Variants in IFT43 observed in about 807,000 individuals in gnomAD.
IFT43 encodes the protein intraflagellar transport 43.
A neutral mutation model predicts 32.3 loss-of-function variants in IFT43; 33 were observed. The observed-to-expected ratio is 1.02, with a 90% CI of 0.77 to 1.37. The LOEUF (loss-of-function observed/expected upper bound fraction) is 1.37, where lower values mean the gene tolerates loss of function less well. Among genes scored for constraint, IFT43 ranks in the 40% most tolerant of loss-of-function variants. IFT43 has a pLI of 0.00. For missense variants in IFT43, 274 were observed against 265.9 expected, an observed-to-expected ratio of 1.03 and a Z score of -0.21; for synonymous variants, 93 against 98.2, an observed-to-expected ratio of 0.95 and a Z score of 0.31.
intron 3 of IFT43, among the ~76,000 whole-genome samples, chr14:76,048,066 C>G (rs2036843484): frequency 6.6e-6 from 1 of 152,156 alleles, no homozygotes; most frequent in Admixed American, 6.5e-5. Flanking sequence ...CACCTTGCCC[C>G]ACTGCCCAAG....
Position 76,082,756 on chromosome 14 carries a change from T to C in IFT43, c.444+64T>C, listed in dbSNP as rs1204628714. 4.9e-6 allele frequency: 6 copies of C among 1,224,804 alleles called. No individual in the cohort carries two copies. In the Admixed American group the frequency reaches 5.0e-5, roughly 10 times the overall value. 75.9% of individuals were successfully genotyped at this position (1,224,804 alleles called of 1,614,324 possible). A position where few individuals can be genotyped will look rare whatever the true frequency, so the allele number is the denominator to read the frequency against. ...AGCAATGGGCTTCAATCCGTAGAGA[T>C]TTCTCAGTTCCTCCCAAGCTATACA... On this transcript the variant is annotated intron_variant, in intron 7 of 8. Transcript: ENST00000314067.
chr14:76,071,813 T>TCTGCCAAACCCAGAACACAGCAGG (rs2037325782), intron 5 of IFT43, among the ~76,000 whole-genome samples: 1 of 152,190 alleles, frequency 6.6e-6, no homozygotes. Flanking sequence ...TCCTAAGAAT[T>TCTGCCAAACCCAGAACACAGCAGG]TAGCGAGTGG....
chr14:76,020,184 A>G (rs553571041), intron 2 of IFT43, among the ~76,000 whole-genome samples: 1 of 152,302 alleles, frequency 6.6e-6, no homozygotes, highest in South Asian at 2.1e-4. Context: ...CATGTTGGCC[A>G]GGATGGTCTC....
chr14:76,021,944 AT>A (rs1413530587), intron 2 of IFT43, among the ~76,000 whole-genome samples: 1 of 152,212 alleles, frequency 6.6e-6, no homozygotes, highest in Non-Finnish European at 1.5e-5. Flanking sequence ...ACCCTCAGCC[AT>A]TGTGGTGTTT....
At chr14:76,027,794 TTAA>T (rs1355323239) in intron 3 of IFT43, among the ~76,000 whole-genome samples, 3 of 152,152 alleles carry the variant, frequency 2.0e-5, no homozygotes, top group Non-Finnish European at 4.4e-5. Flanking sequence ...TCATAGTGGT[TTAA>T]TAATATTTAA....
chr14:76,082,497 T>G, intron 6 of IFT43, 120 bp from the exon 7 acceptor site: 1 of 1,324,420 alleles, frequency 7.6e-7, no homozygotes, highest in Middle Eastern at 1.8e-4. Flanking sequence ...GGTTCCCATT[T>G]TGTTATTCCC....
chr14:76,064,954 G>A (rs1038451758), intron 5 of IFT43, among the ~76,000 whole-genome samples: 5 of 152,042 alleles, frequency 3.3e-5, no homozygotes, highest in African/African-American at 9.7e-5. Flanking sequence ...AAATTTCAAG[G>A]AGTAACTGCT....
At chr14:75,988,344 AGAGT>A (rs2035569966) in intron 1 of IFT43, among the ~76,000 whole-genome samples, 1 of 152,176 alleles carries the variant, frequency 6.6e-6, no homozygotes, top group South Asian at 2.1e-4. Context: ...CCTGGGCAAC[AGAGT>A]GAGAACCTGT....
rs1594871803 is a variant in IFT43, at chr14:76,083,150, AT to A, written c.445-76del. On this transcript the variant is annotated intron_variant, in intron 7 of 8. Transcript: ENST00000314067. ...GGGAAGTTCTGACACACAAAAACTGATCCCGGTTTTGTGAGAAAGAGTTGCC... is the reference window on the plus strand; with the variant it reads ...GGGAAGTTCTGACACACAAAAACTGACCCGGTTTTGTGAGAAAGAGTTGCC... The A allele has an allele frequency of 3.9e-6, 6 of 1,525,092 alleles. No individual in the cohort carries two copies. The East Asian group carries it at 1.4e-4, about 34-fold the overall frequency. 94.5% of individuals were successfully genotyped at this position (1,525,092 alleles called of 1,614,324 possible). A position where few individuals can be genotyped will look rare whatever the true frequency, so the allele number is the denominator to read the frequency against.
intron 3 of IFT43, among the ~76,000 whole-genome samples, chr14:76,046,764 GC>G (rs1326574266): frequency 2.0e-5 from 3 of 152,212 alleles, no homozygotes; most frequent in African/African-American, 7.2e-5. Context: ...AAAGTGACTT[GC>G]CCAAGAGCAT....
chr14:75,986,192 C>T, intron 1 of IFT43: 1 of 1,316,598 alleles, frequency 7.6e-7, no homozygotes, highest in East Asian at 5.0e-5. Flanking sequence ...CGGCCGGGGT[C>T]GCACTCGCTC....
chr14:75,999,260 TATATATATA>T (rs2035824861), intron 2 of IFT43, among the ~76,000 whole-genome samples: 4 of 19,760 alleles, frequency 2.0e-4, no homozygotes. Context: ...TATATATATA[TATATATATA>T]TATGTATATA....
intron 5 of IFT43, among the ~76,000 whole-genome samples, chr14:76,062,980 A>C (rs1374479558): frequency 6.6e-6 from 1 of 151,006 alleles, no homozygotes; most frequent in African/African-American, 2.4e-5. Flanking sequence ...ATTGTGGAAC[A>C]TCTGTGTTTG....
chr14:76,048,503 G>A (rs1237167778), intron 3 of IFT43, among the ~76,000 whole-genome samples: 1 of 152,162 alleles, frequency 6.6e-6, no homozygotes, highest in Admixed American at 6.5e-5. Flanking sequence ...ATGCATCTGT[G>A]AACATCACAC....
In IFT43 at chr14:76,044,860, C is replaced by T. The variant is rs764057301; in HGVS notation, c.216-13782C>T. 4.0e-4 allele frequency among the ~76,000 whole-genome samples: 61 copies of T among 152,334 alleles called. 1 individual carries two copies. Among genetic ancestry groups the T allele is most frequent in the Middle Eastern group, 6.8e-3 (2 of 294 alleles). On this transcript the variant is annotated intron_variant, in intron 3 of 8. Coordinates refer to ENST00000314067, the MANE Select transcript of IFT43 (RefSeq NM_001102564.3). Reference sequence around the variant, plus strand: ...GCAAGGCCAACCGCTCCTCTTCCTCCTCCTCCTGATCCATTTCCACTTAAT... The same window carrying T: ...GCAAGGCCAACCGCTCCTCTTCCTCTTCCTCCTGATCCATTTCCACTTAAT...
At chr14:76,020,084 C>T (rs2036262547) in intron 2 of IFT43, among the ~76,000 whole-genome samples, 1 of 152,090 alleles carries the variant, frequency 6.6e-6, no homozygotes, top group Non-Finnish European at 1.5e-5. Context: ...AAGTGATTCT[C>T]CTGCCTCAGC....
intron 5 of IFT43, among the ~76,000 whole-genome samples, chr14:76,075,676 G>A (rs2037400465): frequency 6.6e-6 from 1 of 152,216 alleles, no homozygotes; most frequent in Admixed American, 6.5e-5. Context: ...TGTCGCAGCA[G>A]CTCATGAATA....
chr14:76,007,190 G>T (rs1306507959), intron 2 of IFT43, among the ~76,000 whole-genome samples: 1 of 152,126 alleles, frequency 6.6e-6, no homozygotes, highest in African/African-American at 2.4e-5. Context: ...ATATAGTAGG[G>T]ATAGTGAAAT....
chr14:76,016,250 G>C (rs960312693), intron 2 of IFT43, among the ~76,000 whole-genome samples: 4 of 152,034 alleles, frequency 2.6e-5, no homozygotes, highest in African/African-American at 9.7e-5. Context: ...AGAGATGGGG[G>C]CTCTGGTTTT....
Sources: gnomAD v4.1 joint callset for allele counts (sites outside exome capture counted in the v4.1 genomes callset) on GRCh38, gnomAD v4.1.1 for gene constraint, MANE v1.5 for transcripts, NCBI Gene and HGNC (gene_info 2026-07-23, HGNC 2026-07-21) for gene names.